SSBP1: variants seen among roughly 807,000 people sequenced by gnomAD.
The protein encoded by SSBP1 is single stranded DNA binding protein 1, also known as single-stranded DNA-binding protein, mitochondrial.
SSBP1 carries 20 observed loss-of-function variants against 27.0 expected under a neutral mutation model. The observed-to-expected ratio is 0.74, with a 90% confidence interval of 0.52 to 1.08. The LOEUF is 1.08. Ranked by LOEUF, SSBP1 falls within the 50% of genes least tolerant of loss-of-function variation. The probability of loss-of-function intolerance (pLI) is 0.00; values close to 1 mark genes in which losing one functional copy is unlikely to be tolerated. For missense variants in SSBP1, 137 were observed against 182.4 expected, an observed-to-expected ratio of 0.75 and a Z score of 1.44; for synonymous variants, 59 against 59.3, an observed-to-expected ratio of 1.00 and a Z score of 0.02.
intron 6 of SSBP1, among the ~76,000 whole-genome samples, chr7:141,746,933 A>G (rs1213701651): frequency 5.3e-5 from 8 of 152,146 alleles, no homozygotes; most frequent in African/African-American, 1.9e-4. Context: ...GAAATTTTCC[A>G]TTATTCTTTT....
intron 6 of SSBP1, among the ~76,000 whole-genome samples, chr7:141,748,285 G>A (rs1007963528): frequency 1.6e-4 from 24 of 151,920 alleles, no homozygotes; most frequent in African/African-American, 5.8e-4. Context: ...ATAAATTACT[G>A]TTAATTTTTT....
chr7:141,748,549 C>T (rs183029312), intron 6 of SSBP1, among the ~76,000 whole-genome samples: 1 of 152,280 alleles, frequency 6.6e-6, no homozygotes, highest in Admixed American at 6.5e-5. Context: ...TTTTCCTACC[C>T]TCCTGTGGGT....
intron 6 of SSBP1, 63 bp from the exon 7 acceptor site, chr7:141,750,248 A>G (rs1448128874): frequency 1.1e-5 from 13 of 1,216,830 alleles, no homozygotes; most frequent in Non-Finnish European, 1.4e-5. Context: ...ATTAGAGGAG[A>G]ATTATTGAAT....
rs769434853 is a variant in SSBP1, at chr7:141,742,233, A to G, written c.85+4A>G. ...ACCAGTTTGGTTCTTGAAAGATGTA[A>G]GTAGCTAATTTCCAAGTTTAAAATG... On this transcript the variant is annotated splice_donor_region_variant and intron_variant, in intron 3 of 6. Coordinates refer to ENST00000265304, the MANE Select transcript of SSBP1 (RefSeq NM_003143.3). 2 of 1,597,498 alleles carry G rather than the reference A, an allele frequency of 1.3e-6. No homozygotes were observed. The highest frequency in any genetic ancestry group is 1.7e-6 in the Non-Finnish European group (2 of 1,166,390).
chr7:141,741,353 C>T (rs1799521683), intron 2 of SSBP1: 1 of 152,322 alleles, frequency 6.6e-6, no homozygotes, highest in Non-Finnish European at 1.5e-5. Flanking sequence ...GCTTGCTGCT[C>T]ACCTCCTGCT....
chr7:141,747,761 G>T (rs1363583441), intron 6 of SSBP1, among the ~76,000 whole-genome samples: 1 of 151,400 alleles, frequency 6.6e-6, no homozygotes, highest in Middle Eastern at 3.2e-3. Context: ...GCCTTTGGGA[G>T]GCTGAGGTGG....
chr7:141,747,054 T>C (rs1167180975), intron 6 of SSBP1, among the ~76,000 whole-genome samples: 2 of 152,186 alleles, frequency 1.3e-5, no homozygotes, highest in Non-Finnish European at 2.9e-5. Context: ...AATGCATGCA[T>C]AAAAGAAACT....
At chr7:141,739,315 AT>A in intron 2 of SSBP1, 125 bp downstream of exon 2, 1 of 631,324 alleles carries the variant, frequency 1.6e-6, no homozygotes, top group Non-Finnish European at 2.5e-6. Context: ...CTCTATACTC[AT>A]TTGATATGGA....
In SSBP1 at chr7:141,742,163, C is replaced by A; in HGVS notation, c.25-6C>A. 6.3e-7 allele frequency: 1 copy of A among 1,596,912 alleles called. No individual in the cohort carries two copies. The highest frequency in any genetic ancestry group is 8.6e-7 in the Non-Finnish European group (1 of 1,166,376). ...AAAGCCATGTTATTCATTTGTTCTT[C>A]TTTAGGTACTTCGTCAGTTTGTAAG... On this transcript the variant is annotated splice_region_variant and splice_polypyrimidine_tract_variant and intron_variant, in intron 2 of 6. Transcript: ENST00000265304.
chr7:141,743,563 C>T lies in SSBP1; in HGVS notation c.88C>T (p.Leu30=). The change falls in exon 4 of 7, where the codon CTG becomes TTG. Residue 30 remains leucine (L), a splice_region_variant and synonymous_variant. Coordinates refer to ENST00000265304, the MANE Select transcript of SSBP1 (RefSeq NM_003143.3). ...TTGGTCTTGATGTTGTGTTTCAGCCCTGAATCGTGTGCACTTACTTGGGCG... is the reference window on the plus strand; with the variant it reads ...TTGGTCTTGATGTTGTGTTTCAGCCTTGAATCGTGTGCACTTACTTGGGCG... The part of the protein sequence containing the change: ...TTTSLVLERS[L]NRVHLLGRVG... The T allele has an allele frequency of 6.2e-7, 1 of 1,613,998 alleles. No homozygotes were observed. The highest frequency in any genetic ancestry group is 8.5e-7 in the Non-Finnish European group (1 of 1,179,970).
In SSBP1 at chr7:141,743,939, A is replaced by G; in HGVS notation, c.264A>G (p.Ser88=). Residue 88 remains serine (S), a synonymous_variant, in exon 5 of 7, where the codon TCA becomes TCG. Transcript: ENST00000265304. ...AAAAGACAACATGGCACAGAATATC[A>G]GTATTCCGGCCAGGCCTCAGAGACG... ...VSQKTTWHRI[S]VFRPGLRDVA... 1 of 1,613,062 alleles carries G rather than the reference A, an allele frequency of 6.2e-7. No individual in the cohort carries two copies. The highest frequency in any genetic ancestry group is 1.3e-5 in the African/African-American group (1 of 75,028).
chr7:141,749,712 G>A (rs1157549459), intron 6 of SSBP1, among the ~76,000 whole-genome samples: 1 of 152,186 alleles, frequency 6.6e-6, no homozygotes, highest in African/African-American at 2.4e-5. Flanking sequence ...AACCCAGGAG[G>A]CAGAGGTTGC....
Position 141,742,251 on chromosome 7 carries a change from TTAAA to T in SSBP1, c.85+23_85+26del, listed in dbSNP as rs1370693007. 4 of 1,573,386 alleles carry T rather than the reference TTAAA, an allele frequency of 2.5e-6. No individual in the cohort carries two copies. The African/African-American group carries it at 5.4e-5, about 21-fold the overall frequency. On this transcript the variant is annotated intron_variant, in intron 3 of 6. Coordinates refer to ENST00000265304, the MANE Select transcript of SSBP1 (RefSeq NM_003143.3). ...AGATGTAAGTAGCTAATTTCCAAGT[TTAAA>T]ATGTTATTTTTAGTAATTTGCCAAT...
At chr7:141,740,927 A>AG (rs1295103703) in intron 2 of SSBP1, 1 of 152,206 alleles carries the variant, frequency 6.6e-6, no homozygotes, top group African/African-American at 2.4e-5. Context: ...ATTCCTTTTA[A>AG]GGTCTGAAGG....
intron 6 of SSBP1, among the ~76,000 whole-genome samples, chr7:141,748,660 G>GC (rs1799868225): frequency 6.6e-6 from 1 of 151,784 alleles, no homozygotes; most frequent in Non-Finnish European, 1.5e-5. Context: ...ATGCTGTTTT[G>GC]TTTTTTTTCC....
At chr7:141,747,415 C>T (rs1270712212) in intron 6 of SSBP1, among the ~76,000 whole-genome samples, 9 of 126,538 alleles carry the variant, frequency 7.1e-5, no homozygotes, top group Non-Finnish European at 1.1e-4. Context: ...TTTGAGACAG[C>T]GTCTCACTCT....
intron 2 of SSBP1, chr7:141,739,932 A>G (rs1375998920): frequency 6.6e-6 from 1 of 152,208 alleles, no homozygotes. Context: ...AACATGAAAA[A>G]GTTATTGCTT....
At chr7:141,745,632 T>C (rs762395602) in intron 6 of SSBP1, 48 bp downstream of exon 6, 2 of 1,608,996 alleles carry the variant, frequency 1.2e-6, no homozygotes, top group South Asian at 2.2e-5. Context: ...CTCCTTTTCT[T>C]TTTTAAAAGC....
chr7:141,739,192 T>TA lies in SSBP1; in HGVS notation c.24+3dup, dbSNP rs771677785. 9.4e-6 allele frequency: 15 copies of TA among 1,601,130 alleles called. 1 individual carries two copies. Among genetic ancestry groups the TA allele is most frequent in the Non-Finnish European group, 1.2e-5 (14 of 1,173,930 alleles). On this transcript the variant is annotated splice_region_variant and intron_variant, in intron 2 of 6. Transcript: ENST00000265304. The stretch of plus-strand genomic sequence containing the variant: ...ATGTTTCGAAGACCTGTATTACAGG[T>TA]AGTCACTTGTCTGTATTAATACTGA...
Sources: gnomAD v4.1 joint callset for allele counts (sites outside exome capture counted in the v4.1 genomes callset) on GRCh38, gnomAD v4.1.1 for gene constraint, MANE v1.5 for transcripts, NCBI Gene and HGNC (gene_info 2026-07-23, HGNC 2026-07-21) for gene names.